The following ZNF487 variants were observed in gnomAD, a reference collection of about 807,000 sequenced individuals.
The protein encoded by ZNF487 is zinc finger protein 487, also known as KRAB domain only 1.
A neutral mutation model predicts 3.0 loss-of-function variants in ZNF487; 4 were observed. That is an observed-to-expected ratio of 1.35 (90% CI 0.66 to 3.08). The LOEUF (loss-of-function observed/expected upper bound fraction) is 3.08, where lower values mean the gene tolerates loss of function less well. Among genes scored for constraint, ZNF487 ranks in the 30% most tolerant of loss-of-function variants. The pLI is 0.01. For missense variants in ZNF487, 146 were observed against 98.7 expected (o/e 1.48, Z -2.03); for synonymous variants, 55 against 34.6 (o/e 1.59, Z -2.06).
At chr10:43,494,496 GCTCTTCTCCA>G in the ZNF487 span, among the ~76,000 whole-genome samples, 1 of 151,960 alleles carries the variant, frequency 6.6e-6, no homozygotes, top group Non-Finnish European at 1.5e-5. Flanking sequence ...TTCCTCTTAA[GCTCTTCTCCA>G]CTCTTCTTAA....
Position 43,459,801 on chromosome 10 carries a change from AT to A in ZNF487, c.-93-15918del, listed in dbSNP as rs1169249902. 1.9e-3 allele frequency among the ~76,000 whole-genome samples: 280 copies of A among 145,216 alleles called. 1 individual carries two copies. Among genetic ancestry groups the A allele is most frequent in the African/African-American group, 6.7e-3 (262 of 39,278 alleles). ...TATTATTATTATTATTATTATTATT[AT>A]TATTATTATTATTTTCTGAGATGGA... On this transcript the variant is annotated intron_variant, in intron 1 of 3. Transcript: ENST00000437590.
At chr10:43,501,782 A>G in the ZNF487 span, among the ~76,000 whole-genome samples, 1 of 85,826 alleles carries the variant, frequency 1.2e-5, no homozygotes, top group Non-Finnish European at 2.5e-5. Context: ...AAACCTTTTA[A>G]CTTTCCTTTT....
At chr10:43,445,523 C>G (rs1391955824) in intron 1 of ZNF487, among the ~76,000 whole-genome samples, 1 of 152,018 alleles carries the variant, frequency 6.6e-6, no homozygotes, top group Non-Finnish European at 1.5e-5. Context: ...TTTGTCTTTT[C>G]AGGATTATTA....
the ZNF487 span, among the ~76,000 whole-genome samples, chr10:43,512,070 C>T: frequency 2.4e-3 from 373 of 152,364 alleles, no homozygotes; most frequent in Non-Finnish European, 3.7e-3. Flanking sequence ...GTTCTGCCCA[C>T]TGGGAAGATT....
the ZNF487 span, among the ~76,000 whole-genome samples, chr10:43,497,564 T>G: frequency 1.3e-5 from 2 of 152,116 alleles, no homozygotes; most frequent in African/African-American, 2.4e-5. Context: ...TCAGTAGAGT[T>G]AGGGAGGTCA....
At chr10:43,439,193 G>A (rs1839487511) in intron 1 of ZNF487, among the ~76,000 whole-genome samples, 1 of 151,968 alleles carries the variant, frequency 6.6e-6, no homozygotes, top group African/African-American at 2.4e-5. Context: ...AGTGAGCCGA[G>A]ATCACGCCAC....
intron 1 of ZNF487, among the ~76,000 whole-genome samples, chr10:43,461,809 C>T (rs1215014412): frequency 1.3e-5 from 2 of 151,944 alleles, no homozygotes; most frequent in Non-Finnish European, 2.9e-5. Context: ...GATTTAATTT[C>T]TTTATATTAG....
chr10:43,469,951 C>CA (rs61067183), intron 1 of ZNF487, among the ~76,000 whole-genome samples: 6,216 of 133,576 alleles, frequency 0.047, 275 homozygotes, highest in African/African-American at 0.13. Flanking sequence ...CTCTGTCTTC[C>CA]AAAAAAAAAA....
the ZNF487 span, among the ~76,000 whole-genome samples, chr10:43,520,546 G>A: frequency 2.0e-5 from 3 of 152,180 alleles, no homozygotes; most frequent in Non-Finnish European, 2.9e-5. Context: ...ACACTGCTAG[G>A]ACCTTAGGGT....
intron 1 of ZNF487, among the ~76,000 whole-genome samples, chr10:43,446,394 C>T (rs1418047232): frequency 1.3e-5 from 2 of 151,544 alleles, no homozygotes; most frequent in African/African-American, 4.9e-5. Flanking sequence ...CTCCTCACTT[C>T]TCAGACGGGG....
intron 3 of ZNF487, among the ~76,000 whole-genome samples, chr10:43,480,270 G>C (rs112129195): frequency 4.1e-4 from 62 of 150,942 alleles, no homozygotes; most frequent in Middle Eastern, 6.8e-3. Flanking sequence ...ACCACACCCA[G>C]CTCATTTTTG....
At chr10:43,498,746 T>C in the ZNF487 span, among the ~76,000 whole-genome samples, 1 of 151,474 alleles carries the variant, frequency 6.6e-6, no homozygotes, top group African/African-American at 2.4e-5. Context: ...ATTGAGACCA[T>C]CCTGGCTAAC....
chr10:43,472,657 C>T (rs1400520835), intron 1 of ZNF487, among the ~76,000 whole-genome samples: 1 of 152,120 alleles, frequency 6.6e-6, no homozygotes, highest in Non-Finnish European at 1.5e-5. Context: ...GTTATGTGAT[C>T]CATTACATCT....
chr10:43,521,398 G>A, the ZNF487 span, among the ~76,000 whole-genome samples: 2 of 152,068 alleles, frequency 1.3e-5, no homozygotes, highest in South Asian at 2.1e-4. Flanking sequence ...TTAGGAACAC[G>A]AGAGACAGTA....
chr10:43,473,176 C>T (rs1308637294), intron 1 of ZNF487, among the ~76,000 whole-genome samples: 5 of 149,068 alleles, frequency 3.4e-5, no homozygotes, highest in Non-Finnish European at 5.9e-5. Context: ...GGCATGATCT[C>T]GGCTCACTGC....
chr10:43,459,272 C>T (rs1840333269), intron 1 of ZNF487, among the ~76,000 whole-genome samples: 1 of 152,030 alleles, frequency 6.6e-6, no homozygotes, highest in South Asian at 2.1e-4. Context: ...CTTTGTCTCC[C>T]AGGCTAGAGT....
At chr10:43,503,027 CAAAAA>C in the ZNF487 span, among the ~76,000 whole-genome samples, 4 of 95,738 alleles carry the variant, frequency 4.2e-5, no homozygotes, top group South Asian at 3.4e-4. Context: ...GACCCTGTCT[CAAAAA>C]AAAAAAAAAA....
the ZNF487 span, among the ~76,000 whole-genome samples, chr10:43,503,317 A>G: frequency 2.0e-5 from 3 of 152,222 alleles, no homozygotes; most frequent in Non-Finnish European, 4.4e-5. Context: ...CTTGGAGAAT[A>G]AGGATATAAA....
the ZNF487 span, among the ~76,000 whole-genome samples, chr10:43,489,662 A>G: frequency 2.0e-5 from 3 of 152,160 alleles, no homozygotes; most frequent in African/African-American, 7.2e-5. Flanking sequence ...CCTAGATACA[A>G]ATGTTAAACA....
Sources: gnomAD v4.1 joint callset for allele counts (sites outside exome capture counted in the v4.1 genomes callset) on GRCh38, gnomAD v4.1.1 for gene constraint, MANE v1.5 for transcripts, NCBI Gene and HGNC (gene_info 2026-07-23, HGNC 2026-07-21) for gene names.